The following NRF1 variants were observed in gnomAD, a reference collection of about 807,000 sequenced individuals.
The protein encoded by NRF1 is alpha palindromic-binding protein.
NRF1 carries 5 observed loss-of-function variants against 58.5 expected under a neutral mutation model. The observed-to-expected ratio is 0.09, with a 90% CI of 0.04 to 0.18. The LOEUF (loss-of-function observed/expected upper bound fraction) is 0.18. Among genes scored for constraint, NRF1 ranks in the 10% least tolerant of loss-of-function variants. The probability of loss-of-function intolerance (pLI) is 1.00; values close to 1 mark genes in which losing one functional copy is unlikely to be tolerated. For synonymous variants in NRF1, 224 were observed against 246.7 expected, an observed-to-expected ratio of 0.91 and a Z score of 0.86; for missense variants, 288 against 657.7, an observed-to-expected ratio of 0.44 and a Z score of 6.15.
intron 3 of NRF1, among the ~76,000 whole-genome samples, chr7:129,673,533 T>C (rs1022864410): frequency 1.6e-4 from 24 of 150,504 alleles, no homozygotes; most frequent in Admixed American, 1.4e-3. Flanking sequence ...ATCGAGACCA[T>C]GGTGAAACCT....
intron 5 of NRF1, among the ~76,000 whole-genome samples, chr7:129,702,039 T>G (rs1249228227): frequency 6.6e-6 from 1 of 152,248 alleles, no homozygotes; most frequent in African/African-American, 2.4e-5. Flanking sequence ...CATGTATTTA[T>G]GTAAATGTAT....
intron 10 of NRF1, among the ~76,000 whole-genome samples, chr7:129,748,480 G>C (rs1804035607): frequency 6.6e-6 from 1 of 152,150 alleles, no homozygotes; most frequent in Admixed American, 6.5e-5. Flanking sequence ...ACTGCTAGAA[G>C]AACTGGCCTG....
intron 3 of NRF1, among the ~76,000 whole-genome samples, chr7:129,672,185 G>A (rs1415133905): frequency 6.9e-6 from 1 of 145,174 alleles, no homozygotes; most frequent in African/African-American, 2.5e-5. Context: ...GTAGAGAAGA[G>A]CCACGCCAGG....
At chr7:129,751,506 C>T (rs1415769253) in intron 10 of NRF1, among the ~76,000 whole-genome samples, 1 of 152,198 alleles carries the variant, frequency 6.6e-6, no homozygotes. Flanking sequence ...GGGCATGGGC[C>T]CACATCATAG....
chr7:129,723,612 G>A (rs913811823), intron 9 of NRF1, among the ~76,000 whole-genome samples: 2 of 152,012 alleles, frequency 1.3e-5, no homozygotes, highest in African/African-American at 4.8e-5. Context: ...CATGAAAAAT[G>A]TAAAGAACAG....
intron 1 of NRF1, among the ~76,000 whole-genome samples, chr7:129,629,209 G>A (rs1490688363): frequency 6.6e-6 from 1 of 151,586 alleles, no homozygotes; most frequent in Non-Finnish European, 1.5e-5. Context: ...ACTCTTTGGA[G>A]TAAAAATTGT....
intron 8 of NRF1, among the ~76,000 whole-genome samples, chr7:129,711,895 T>C (rs1018535601): frequency 6.6e-6 from 1 of 152,084 alleles, no homozygotes; most frequent in Non-Finnish European, 1.5e-5. Flanking sequence ...TCATCTTTGG[T>C]CTTTATGAAA....
At chr7:129,745,506 A>ACCCCC (rs35406699) in intron 10 of NRF1, among the ~76,000 whole-genome samples, 48 of 112,568 alleles carry the variant, frequency 4.3e-4, no homozygotes, top group East Asian at 5.1e-4. Context: ...ATCCCCCTCA[A>ACCCCC]CCCCCCCCCC....
intron 10 of NRF1, among the ~76,000 whole-genome samples, chr7:129,747,516 T>C (rs1804005036): frequency 6.6e-6 from 1 of 152,230 alleles, no homozygotes; most frequent in Non-Finnish European, 1.5e-5. Context: ...TCAAACTTCA[T>C]ACTCAAAGTC....
Position 129,657,425 on chromosome 7 carries a change from A to C in NRF1, c.74A>C (p.Gln25Pro). The C allele has an allele frequency of 6.2e-7, 1 of 1,614,126 alleles. No homozygotes were observed. Residue 25 changes from glutamine (Q) to proline (P), a missense_variant, in exon 2 of 11, where the codon CAG becomes CCG. This residue lies in a region of NRF1 where 48 missense variants were observed against 65.5 expected (regional missense o/e 0.73). Transcript: ENST00000393232. ...GCACATGCAGTGGCCCAGCAAGTGC[A>C]GCAGGTCCATGTGGCTACTTACACC... ...IEAHAVAQQV[Q>P]QVHVATYTEH...
intron 5 of NRF1, among the ~76,000 whole-genome samples, chr7:129,697,019 C>T (rs1246672806): frequency 6.6e-6 from 1 of 152,054 alleles, no homozygotes; most frequent in Non-Finnish European, 1.5e-5. Context: ...GTTTTGAAAA[C>T]TAAAGCATCA....
rs11557287 is a variant in NRF1, at chr7:129,755,911, A to G, written c.*730A>G. 19,234 of 152,786 alleles carry G rather than the reference A, an allele frequency of 0.13. 1,488 individuals are homozygous for G. Among genetic ancestry groups the G allele is most frequent in the Admixed American group, 0.19 (2,888 of 15,280 alleles). 9.5% of individuals were successfully genotyped at this position (152,786 alleles called of 1,614,324 possible). On this transcript the variant is annotated 3_prime_UTR_variant, in exon 11 of 11. Coordinates refer to ENST00000393232, the MANE Select transcript of NRF1 (RefSeq NM_005011.5). This position sits in a 1 kb window ranked among gnomAD's most constrained non-coding sequence, Gnocchi z 5.8. The stretch of plus-strand genomic sequence containing the variant: ...CCCAGGTGCTGACCTTGCCACAGGC[A>G]GATGAATGTCTTGAAAGCTCCCGGG...
At chr7:129,671,185 A>G (rs1802040169) in intron 2 of NRF1, among the ~76,000 whole-genome samples, 1 of 152,178 alleles carries the variant, frequency 6.6e-6, no homozygotes, top group South Asian at 2.1e-4. Context: ...AATTCAAACT[A>G]GTGTGTGATG....
chr7:129,612,016 G>A (rs1800542827), intron 1 of NRF1, among the ~76,000 whole-genome samples, 192 bp downstream of exon 1: 1 of 149,344 alleles, frequency 6.7e-6, no homozygotes, highest in Non-Finnish European at 1.5e-5. Flanking sequence ...CCGCCACCCC[G>A]AGGATGCGCA....
chr7:129,627,850 A>T (rs976988487), intron 1 of NRF1, among the ~76,000 whole-genome samples: 1 of 151,988 alleles, frequency 6.6e-6, no homozygotes, highest in African/African-American at 2.4e-5. Flanking sequence ...TAAATGAATG[A>T]CTCATTTTGA....
intron 2 of NRF1, among the ~76,000 whole-genome samples, chr7:129,668,147 T>A (rs1306374987): frequency 2.6e-5 from 4 of 152,244 alleles, no homozygotes; most frequent in African/African-American, 4.8e-5. Flanking sequence ...TTCATTATTT[T>A]TCCATATGGA....
rs1446017037 is a variant in NRF1, at chr7:129,741,880, A to AC, written c.1349-13137dup. Among the ~76,000 whole-genome samples, 1 of 152,214 alleles carries AC rather than the reference A, an allele frequency of 6.6e-6. No individual in the cohort carries two copies. Among genetic ancestry groups the AC allele is most frequent in the African/African-American group, 2.4e-5 (1 of 41,466 alleles). On this transcript the variant is annotated intron_variant, in intron 10 of 10. Coordinates refer to ENST00000393232, the MANE Select transcript of NRF1 (RefSeq NM_005011.5). The surrounding 1 kb of genome is among the most constrained non-coding windows in gnomAD (Gnocchi z 4.0). ...ATAAAGAGCAAATGTGCAGAACCCAACAGCAGCAGCAGCCTGGCAGAAGCA... is the reference window on the plus strand; with the variant it reads ...ATAAAGAGCAAATGTGCAGAACCCAACCAGCAGCAGCAGCCTGGCAGAAGCA...
chr7:129,729,127 G>A (rs965977239), intron 10 of NRF1, among the ~76,000 whole-genome samples: 9 of 152,188 alleles, frequency 5.9e-5, no homozygotes, highest in African/African-American at 2.2e-4. Flanking sequence ...GGTTCAGTAG[G>A]AAACTTTATT....
intron 1 of NRF1, among the ~76,000 whole-genome samples, chr7:129,624,482 T>A (rs1280752399): frequency 1.3e-5 from 2 of 152,202 alleles, no homozygotes; most frequent in Non-Finnish European, 2.9e-5. Context: ...TAACATTTTA[T>A]AATTTTAGGA....
Sources: allele counts gnomAD v4.1 joint callset (sites outside exome capture counted in the v4.1 genomes callset), GRCh38; gene constraint gnomAD v4.1.1; regional missense constraint gnomAD v4.1.1; non-coding constraint Gnocchi (gnomAD v3.1); transcripts MANE v1.5; gene names NCBI Gene and HGNC (gene_info 2026-07-23, HGNC 2026-07-21).